DOK6: variants seen among roughly 807,000 people sequenced by gnomAD.
DOK6 encodes docking protein 6.
Under a neutral mutation model 44.0 loss-of-function variants are expected in DOK6, and 22 were observed. The ratio of observed to expected loss-of-function variants is 0.50; its 90% CI spans 0.36 to 0.71. The LOEUF (loss-of-function observed/expected upper bound fraction) is 0.71. Among genes scored for constraint, DOK6 ranks in the 30% least tolerant of loss-of-function variants. DOK6 has a pLI of 0.00. For synonymous variants in DOK6, 166 were observed against 145.5 expected (o/e 1.14, Z -1.01); for missense variants, 340 against 416.4 (o/e 0.82, Z 1.60).
chr18:69,482,273 G>GCAA (rs1980447412), intron 1 of DOK6, among the ~76,000 whole-genome samples: 1 of 152,062 alleles, frequency 6.6e-6, no homozygotes, highest in Admixed American at 6.6e-5. Flanking sequence ...ATTGCTTTTG[G>GCAA]TGTTTTAGAC....
intron 4 of DOK6, among the ~76,000 whole-genome samples, chr18:69,694,666 T>C (rs867640686): frequency 6.6e-6 from 1 of 152,140 alleles, no homozygotes; most frequent in Admixed American, 6.5e-5. Context: ...TGATTTGGTA[T>C]TTGTTTCTAC....
intron 3 of DOK6, among the ~76,000 whole-genome samples, chr18:69,621,412 TATC>T (rs1485729672): frequency 6.6e-6 from 1 of 152,196 alleles, no homozygotes; most frequent in African/African-American, 2.4e-5. Flanking sequence ...TCATTACTTG[TATC>T]ATGTATTTCC....
chr18:69,550,586 C>G (rs1003140389), intron 1 of DOK6, among the ~76,000 whole-genome samples: 1 of 151,976 alleles, frequency 6.6e-6, no homozygotes, highest in Non-Finnish European at 1.5e-5. Context: ...ACATCAGTAT[C>G]GGATGGTGTT....
chr18:69,555,919 G>A (rs574934513), intron 1 of DOK6, among the ~76,000 whole-genome samples: 8 of 152,178 alleles, frequency 5.3e-5, no homozygotes, highest in African/African-American at 4.8e-5. Flanking sequence ...TGGCCTTGTC[G>A]GTTTTTGTCA....
chr18:69,471,879 G>A (rs1378693184), intron 1 of DOK6: 1 of 152,102 alleles, frequency 6.6e-6, no homozygotes, highest in Non-Finnish European at 1.5e-5. Context: ...GATGAATTCT[G>A]TTTTGCCCTA....
At chr18:69,516,400 T>C (rs952196457) in intron 1 of DOK6, among the ~76,000 whole-genome samples, 2 of 152,156 alleles carry the variant, frequency 1.3e-5, no homozygotes, top group African/African-American at 4.8e-5. Context: ...CAGGAGAGCA[T>C]TGTACAGTAA....
intron 1 of DOK6, among the ~76,000 whole-genome samples, chr18:69,426,630 TTAGA>T (rs1978643755): frequency 6.6e-6 from 1 of 152,186 alleles, no homozygotes; most frequent in Non-Finnish European, 1.5e-5. Flanking sequence ...ATCTACAAAG[TTAGA>T]TATTCAATCA....
intron 5 of DOK6, among the ~76,000 whole-genome samples, chr18:69,733,447 A>T (rs1978486249): frequency 6.6e-6 from 1 of 152,206 alleles, no homozygotes; most frequent in East Asian, 1.9e-4. Flanking sequence ...GTACAACCTG[A>T]TATTTTGAAG....
intron 7 of DOK6, among the ~76,000 whole-genome samples, chr18:69,822,766 A>G (rs1267922657): frequency 1.3e-5 from 2 of 152,272 alleles, no homozygotes; most frequent in East Asian, 3.9e-4. Flanking sequence ...AAAAACGTTC[A>G]TTTTCTCACT....
chr18:69,684,748 C>T (rs552843298), intron 4 of DOK6, among the ~76,000 whole-genome samples: 49 of 152,032 alleles, frequency 3.2e-4, no homozygotes, highest in African/African-American at 7.7e-4. Context: ...TTGGGTTTAA[C>T]GAAAGGCATA....
At chr18:69,476,246 T>C (rs777145998) in intron 1 of DOK6, among the ~76,000 whole-genome samples, 1 of 152,238 alleles carries the variant, frequency 6.6e-6, no homozygotes, top group African/African-American at 2.4e-5. Flanking sequence ...ATATATTATT[T>C]TTCCCTAGGA....
chr18:69,804,733 A>G (rs1199484022), intron 7 of DOK6, among the ~76,000 whole-genome samples: 1 of 152,168 alleles, frequency 6.6e-6, no homozygotes, highest in African/African-American at 2.4e-5. Context: ...TTCAGGACCA[A>G]ACCAGTTCAG....
Position 69,446,734 on chromosome 18 carries a change from T to G in DOK6, c.66+45424T>G, listed in dbSNP as rs1979305400. Among the ~76,000 whole-genome samples, 3 of 152,330 alleles carry G rather than the reference T, an allele frequency of 2.0e-5. No homozygotes were observed. The South Asian group carries it at 6.2e-4, about 32-fold the overall frequency. ...CCAGCACCTGTTGTTTCCTGACTTTTTAGTGATCACCATTCTAACTGGTTT... is the reference window on the plus strand; with the variant it reads ...CCAGCACCTGTTGTTTCCTGACTTTGTAGTGATCACCATTCTAACTGGTTT... On this transcript the variant is annotated intron_variant, in intron 1 of 7. Coordinates refer to ENST00000382713, the MANE Select transcript of DOK6 (RefSeq NM_152721.6).
At chr18:69,439,071 C>A (rs200112297) in intron 1 of DOK6, among the ~76,000 whole-genome samples, 4 of 151,934 alleles carry the variant, frequency 2.6e-5, no homozygotes, top group South Asian at 2.1e-4. Flanking sequence ...TCTCAAAAAA[C>A]AAACAAAAAC....
intron 1 of DOK6, among the ~76,000 whole-genome samples, chr18:69,443,468 A>G (rs1319972238): frequency 6.6e-6 from 1 of 152,174 alleles, no homozygotes; most frequent in East Asian, 1.9e-4. Context: ...TGATGATTCA[A>G]TGAGTTAAAT....
chr18:69,671,267 C>T (rs1189231452), intron 3 of DOK6, among the ~76,000 whole-genome samples: 1 of 152,184 alleles, frequency 6.6e-6, no homozygotes, highest in East Asian at 1.9e-4. Context: ...AATCTCACTC[C>T]TTCAATTCAT....
At chr18:69,808,387 C>T (rs1173316909) in intron 7 of DOK6, among the ~76,000 whole-genome samples, 1 of 151,494 alleles carries the variant, frequency 6.6e-6, no homozygotes, top group African/African-American at 2.4e-5. Context: ...ACAAAAAGAA[C>T]AACAAAATAA....
rs1568142786 is a variant in DOK6, at chr18:69,841,426, G to A, written c.*43G>A. ...TTGACTAGAGAGACAGTCTGTCCTG[G>A]ACCCGTCTGTGGGGTCATTACCCTC... On this transcript the variant is annotated 3_prime_UTR_variant, in exon 8 of 8. Coordinates refer to ENST00000382713, the MANE Select transcript of DOK6 (RefSeq NM_152721.6). 1.2e-6 allele frequency: 2 copies of A among 1,611,612 alleles called. No individual in the cohort carries two copies. The highest frequency in any genetic ancestry group is 1.7e-6 in the Non-Finnish European group (2 of 1,178,352).
intron 3 of DOK6, among the ~76,000 whole-genome samples, chr18:69,637,038 G>A (rs1304363639): frequency 2.6e-5 from 4 of 152,098 alleles, no homozygotes; most frequent in East Asian, 1.9e-4. Flanking sequence ...TCTCCCCACC[G>A]CCATACCCCT....
Sources: allele counts gnomAD v4.1 joint callset (sites outside exome capture counted in the v4.1 genomes callset), GRCh38; gene constraint gnomAD v4.1.1; transcripts MANE v1.5; gene names NCBI Gene and HGNC (gene_info 2026-07-23, HGNC 2026-07-21).